CAPN12: variants seen among roughly 807,000 people sequenced by gnomAD.
The protein encoded by CAPN12 is calpain 12, also known as calpain-12.
In CAPN12, 107 loss-of-function variants were observed where a neutral mutation model predicts 95.0. That is an observed-to-expected ratio of 1.13 (90% CI 0.96 to 1.32). The LOEUF is 1.32. Ranked by LOEUF, CAPN12 falls within the 40% of genes most tolerant of loss-of-function variation. The pLI, the probability that CAPN12 is intolerant of heterozygous loss-of-function variation, is 0.00. For missense variants in CAPN12, 1,136 were observed against 997.8 expected (o/e 1.14, Z -1.87); for synonymous variants, 505 against 415.5 (o/e 1.22, Z -2.62).
At chr19:38,734,757 G>T in intron 15 of CAPN12, 56 bp downstream of exon 15, 6 of 1,541,428 alleles carry the variant, frequency 3.9e-6, no homozygotes, top group Non-Finnish European at 5.4e-6. Flanking sequence ...CACCGGCTCT[G>T]GTTGCAGGAC....
At position 38,730,601 on chromosome 19, in the gene CAPN12, GCTAGCACTGT is replaced by G. The variant is rs1969510450; in HGVS notation, c.*241_*250del. The G allele has an allele frequency of 1.7e-6, 1 of 590,758 alleles. No homozygotes were observed. Among genetic ancestry groups the G allele is most frequent in the African/African-American group, 1.9e-5 (1 of 53,764 alleles). 36.6% of individuals were successfully genotyped at this position (590,758 alleles called of 1,614,324 possible). A position where few individuals can be genotyped will look rare whatever the true frequency, so the allele number is the denominator to read the frequency against. On this transcript the variant is annotated 3_prime_UTR_variant, in exon 21 of 21. Coordinates refer to ENST00000328867, the MANE Select transcript of CAPN12 (RefSeq NM_144691.4). ...CACCTTCTAGGAGAGCCAGGGCAGA[GCTAGCACTGT>G]CTTAAGCTGTCAACGTGGACTAGCT...
Position 38,737,553 on chromosome 19 carries a change from C to A in CAPN12, c.1051G>T (p.Gly351Trp), listed in dbSNP as rs141065284. The change falls in exon 9 of 21, where the codon GGG (glycine) becomes TGG (tryptophan). Residue 351 changes from glycine to tryptophan, a missense_variant. Coordinates refer to ENST00000328867, the MANE Select transcript of CAPN12 (RefSeq NM_144691.4). ...AAGGTGTGGACGTGCCAGCCGCCCC[C>A]CTCCGGGCTGGGGCCCAGCACCTCC... is the stretch of plus-strand genomic sequence containing the variant. ...SPEVLGPSPE[G>W]GGWHVHTFQG... 7.5e-3 allele frequency: 12,073 copies of A among 1,612,470 alleles called. 76 individuals are homozygous for A. Among genetic ancestry groups the A allele is most frequent in the Non-Finnish European group, 9.2e-3 (10,867 of 1,179,840 alleles).
intron 18 of CAPN12, 43 bp from the exon 19 acceptor site, chr19:38,731,266 C>T (rs771654094): frequency 7.3e-5 from 111 of 1,523,792 alleles, no homozygotes; most frequent in Non-Finnish European, 9.8e-5. Context: ...CACAGGGAAC[C>T]CACCTTGGCA....
In CAPN12 at chr19:38,744,032, A is replaced by G; in HGVS notation, c.134T>C (p.Leu45Pro). Residue 45 changes from leucine (L) to proline (P), a missense_variant, in exon 1 of 21, where the codon CTG becomes CCG. Coordinates refer to ENST00000328867, the MANE Select transcript of CAPN12 (RefSeq NM_144691.4). ...AGCAGGGAAGTAAGGGTCGCGGAAC[A>G]GGATCCCCGAATCCAGGCAGGCTGC... The part of the protein sequence containing the change: ...IRAACLDSGI[L>P]FRDPYFPAGP... The G allele has an allele frequency of 6.2e-7, 1 of 1,614,246 alleles. No homozygotes were observed. Among genetic ancestry groups the G allele is most frequent in the East Asian group, 2.2e-5 (1 of 44,890 alleles).
intron 5 of CAPN12, chr19:38,738,959 C>G (rs1305550826): frequency 4.9e-5 from 21 of 432,498 alleles, no homozygotes; most frequent in Non-Finnish European, 8.9e-5. Context: ...TAGCAAGACC[C>G]CAAGTCTACA....
At chr19:38,734,449 G>T in intron 15 of CAPN12, 60 bp from the exon 16 acceptor site, 2 of 1,447,688 alleles carry the variant, frequency 1.4e-6, no homozygotes, top group Non-Finnish European at 9.4e-7. Context: ...CACTTTAAGG[G>T]CTGGGTGGAT....
upstream of CAPN12, chr19:38,744,523 G>A: frequency 8.5e-6 from 3 of 353,530 alleles, no homozygotes; most frequent in Non-Finnish European, 1.1e-5. Context: ...GGGGAAGGAG[G>A]CGGGTTTACC....
chr19:38,734,122 G>C lies in CAPN12; in HGVS notation c.1878+20C>G, dbSNP rs780859340. On this transcript the variant is annotated intron_variant, in intron 17 of 20. Transcript: ENST00000328867. ...AAAGGTTTCTCTCTTTCTGGGAAGA[G>C]GCCCAGTCTCCCACCTCACCTGCCA... 1 of 1,611,746 alleles carries C rather than the reference G, an allele frequency of 6.2e-7. No individual in the cohort carries two copies. The highest frequency in any genetic ancestry group is 1.1e-5 in the South Asian group (1 of 91,006).
chr19:38,734,364 T>C lies in CAPN12; in HGVS notation c.1770A>G (p.Arg590=), dbSNP rs1969859469. The C allele has an allele frequency of 6.2e-7, 1 of 1,605,826 alleles. No individual in the cohort carries two copies. Among genetic ancestry groups the C allele is most frequent in the African/African-American group, 1.3e-5 (1 of 74,788 alleles). ...EPARAHTSTP[R]EIGLRTCEQL... is the part of the protein sequence containing the mutation. Reference sequence around the variant, plus strand: ...GCTCACAGGTCCTGAGCCCGATCTCTCTGGGGGTGGAGGTATGGGCCCTGG... The same window carrying C: ...GCTCACAGGTCCTGAGCCCGATCTCCCTGGGGGTGGAGGTATGGGCCCTGG... Residue 590 remains arginine (R), a synonymous_variant, in exon 16 of 21, where the codon AGA becomes AGG. Transcript: ENST00000328867.
At position 38,735,558 on chromosome 19, in the gene CAPN12, A is replaced by ATGGGAAGTGGGAAGTGGGAAG; in HGVS notation, c.1584-15_1584-14insCTTCCCACTTCCCACTTCCCA. 6.2e-7 allele frequency: 1 copy of ATGGGAAGTGGGAAGTGGGAAG among 1,606,692 alleles called. No individual in the cohort carries two copies. The highest frequency in any genetic ancestry group is 1.1e-5 in the South Asian group (1 of 90,552). On this transcript the variant is annotated splice_polypyrimidine_tract_variant and intron_variant, in intron 12 of 20. Coordinates refer to ENST00000328867, the MANE Select transcript of CAPN12 (RefSeq NM_144691.4). ...TCGTCGATCTCCCTGCAAATTACAG[A>ATGGGAAGTGGGAAGTGGGAAG]TGGGAAGTGGGGAGGGGGCTGTTTG...
chr19:38,730,813 A>G lies in CAPN12; in HGVS notation c.*39T>C. ...GCCTAGGGAGGTGGTCTTGCTCAGCAACCCTGCCCTGAGCAGCAGGTGCGC... is the reference window on the plus strand; with the variant it reads ...GCCTAGGGAGGTGGTCTTGCTCAGCGACCCTGCCCTGAGCAGCAGGTGCGC... On this transcript the variant is annotated 3_prime_UTR_variant, in exon 21 of 21. Coordinates refer to ENST00000328867, the MANE Select transcript of CAPN12 (RefSeq NM_144691.4). 6.5e-7 allele frequency: 1 copy of G among 1,550,004 alleles called. No homozygotes were observed. Among genetic ancestry groups the G allele is most frequent in the Non-Finnish European group, 8.7e-7 (1 of 1,146,770 alleles).
chr19:38,738,672 G>A (rs1244443673), intron 5 of CAPN12, 24 bp from the exon 6 acceptor site: 3 of 1,611,874 alleles, frequency 1.9e-6, no homozygotes, highest in Non-Finnish European at 2.5e-6. Flanking sequence ...GGGATGGTGA[G>A]GCCAAGGTAG....
Position 38,738,299 on chromosome 19 carries a change from C to A in CAPN12, c.939G>T (p.Leu313=). Residue 313 remains leucine (L), a synonymous_variant, in exon 8 of 21, where the codon CTG becomes CTT. Transcript: ENST00000328867. The part of the protein sequence containing the change: ...TLPTECRDAL[L]VKKEDGEFWM... Reference sequence around the variant, plus strand: ...AGAACTCGCCATCCTCCTTTTTCACCAGCAGGGCATCGCGGCACTCGGTGG... The same window carrying A: ...AGAACTCGCCATCCTCCTTTTTCACAAGCAGGGCATCGCGGCACTCGGTGG... 6.2e-7 allele frequency: 1 copy of A among 1,612,136 alleles called. No individual in the cohort carries two copies. The highest frequency in any genetic ancestry group is 8.5e-7 in the Non-Finnish European group (1 of 1,180,026).
chr19:38,730,441 G>A lies in CAPN12; in HGVS notation c.*411C>T, dbSNP rs1480016105. On this transcript the variant is annotated 3_prime_UTR_variant, in exon 21 of 21. Coordinates refer to ENST00000328867, the MANE Select transcript of CAPN12 (RefSeq NM_144691.4). Reference sequence around the variant, plus strand: ...TTTGCTCCCCCTACCTTTTTTTTTTGAGTTTATTCTGATTGATTTTTTTTC... The same window carrying A: ...TTTGCTCCCCCTACCTTTTTTTTTTAAGTTTATTCTGATTGATTTTTTTTC... The A allele has an allele frequency of 2.7e-5, 5 of 187,962 alleles. No individual in the cohort carries two copies. In the Admixed American group the frequency reaches 2.8e-4, roughly 10 times the overall value. 11.6% of individuals were successfully genotyped at this position (187,962 alleles called of 1,614,324 possible).
intron 4 of CAPN12, 46 bp downstream of exon 4, chr19:38,741,731 G>T: frequency 1.2e-6 from 2 of 1,607,544 alleles, no homozygotes; most frequent in Non-Finnish European, 8.5e-7. Flanking sequence ...CTTGATGCCT[G>T]CTGTGGGGAC....
rs977082861 is a variant in CAPN12, at chr19:38,731,115, C to G, written c.2066G>C (p.Cys689Ser). The G allele has an allele frequency of 6.2e-7, 1 of 1,611,436 alleles. No homozygotes were observed. Among genetic ancestry groups the G allele is most frequent in the African/African-American group, 1.3e-5 (1 of 74,998 alleles). ...RFVSCVAHLT[C>S]IFCHCSQHLD... Reference sequence around the variant, plus strand: ...GCCGGGGTGGTACTCACAGAAGATGCAGGTGAGGTGGGCCACACAGGACAC... The same window carrying G: ...GCCGGGGTGGTACTCACAGAAGATGGAGGTGAGGTGGGCCACACAGGACAC... Residue 689 changes from cysteine to serine, a missense_variant, in exon 19 of 21, where the codon TGC becomes TCC. Transcript: ENST00000328867.
At chr19:38,735,300 G>A (rs1468718368) in intron 14 of CAPN12, 70 bp downstream of exon 14, 7 of 1,427,766 alleles carry the variant, frequency 4.9e-6, no homozygotes, top group Non-Finnish European at 6.6e-6. Context: ...GAGATGCTGG[G>A]GTGGGGGAAG....
intron 18 of CAPN12, chr19:38,731,485 AT>A: frequency 1.9e-6 from 1 of 532,242 alleles, no homozygotes; most frequent in South Asian, 2.1e-5. Context: ...ACGTGACTCG[AT>A]GTGTGGGTAC....
chr19:38,736,756 G>T, intron 10 of CAPN12, 193 bp from the exon 11 acceptor site: 2 of 659,184 alleles, frequency 3.0e-6, no homozygotes, highest in Non-Finnish European at 5.0e-6. Context: ...TTCCCCATCT[G>T]CGCTCCCAGC....
Sources: gnomAD v4.1 joint callset for allele counts on GRCh38, gnomAD v4.1.1 for gene constraint, MANE v1.5 for transcripts, NCBI Gene and HGNC (gene_info 2026-07-23, HGNC 2026-07-21) for gene names.